ABCD3: variants seen among roughly 807,000 people sequenced by gnomAD.
ABCD3 encodes ATP-binding cassette sub-family D member 3.
ABCD3 carries 41 observed loss-of-function variants against 105.5 expected under a neutral mutation model. The ratio of observed to expected loss-of-function variants is 0.39; its 90% CI spans 0.30 to 0.50. ABCD3 has a LOEUF of 0.50. ABCD3 is among the 20% of genes least tolerant of loss of function. The pLI is 0.84. For synonymous variants in ABCD3, 258 were observed against 269.0 expected, an observed-to-expected ratio of 0.96 and a Z score of 0.40; for missense variants, 622 against 806.3, an observed-to-expected ratio of 0.77 and a Z score of 2.77.
chr1:94,410,476 G>A, the ABCD3 span, among the ~76,000 whole-genome samples: 1 of 152,084 alleles, frequency 6.6e-6, no homozygotes, highest in African/African-American at 2.4e-5. Context: ...AGAGAGAAAG[G>A]CCTGTGCTTC....
At chr1:94,516,904 A>T (rs776469998) in intron 22 of ABCD3, 148 bp from the exon 23 acceptor site, 19 of 682,904 alleles carry the variant, frequency 2.8e-5, no homozygotes, top group Non-Finnish European at 5.1e-5. Flanking sequence ...ATCCTTGGTC[A>T]TGGAGTTACG....
intron 1 of ABCD3, among the ~76,000 whole-genome samples, chr1:94,451,110 G>A (rs1021007145): frequency 2.6e-5 from 4 of 152,002 alleles, no homozygotes; most frequent in African/African-American, 9.7e-5. Context: ...TTTTTGGTAG[G>A]TATCTTCTTG....
chr1:94,416,386 T>C (rs1659006860), upstream of ABCD3, among the ~76,000 whole-genome samples: 1 of 152,236 alleles, frequency 6.6e-6, no homozygotes, highest in Non-Finnish European at 1.5e-5. Context: ...ATATCTCTAA[T>C]ATAGTACTTA....
At chr1:94,481,350 CCTTT>C (rs1649019272) in intron 9 of ABCD3, 1 of 152,142 alleles carries the variant, frequency 6.6e-6, no homozygotes, top group Non-Finnish European at 1.5e-5. Context: ...GTTCCCTCTT[CCTTT>C]ATTTCCTTGG....
At chr1:94,387,713 T>C in the ABCD3 span, among the ~76,000 whole-genome samples, 1 of 152,192 alleles carries the variant, frequency 6.6e-6, no homozygotes, top group Admixed American at 6.5e-5. Context: ...TGAAAGTTGT[T>C]AAGTAAACAT....
intron 9 of ABCD3, chr1:94,482,128 T>C (rs932361588): frequency 2.0e-5 from 3 of 152,324 alleles, no homozygotes; most frequent in Non-Finnish European, 4.4e-5. Context: ...AAGGAAGTTT[T>C]TTTAAAAAGT....
chr1:94,427,224 G>T (rs995734364), intron 1 of ABCD3, among the ~76,000 whole-genome samples: 2 of 152,116 alleles, frequency 1.3e-5, no homozygotes, highest in African/African-American at 4.8e-5. Context: ...GTGGGGAAGG[G>T]TCTTTCTTTC....
intron 4 of ABCD3, among the ~76,000 whole-genome samples, chr1:94,473,412 T>C (rs111319989): frequency 2.4e-4 from 37 of 152,274 alleles, no homozygotes; most frequent in African/African-American, 8.9e-4. Context: ...TGGTACTTTG[T>C]TTATTCATAA....
intron 1 of ABCD3, among the ~76,000 whole-genome samples, chr1:94,447,064 C>G (rs1345849681): frequency 6.6e-6 from 1 of 151,992 alleles, no homozygotes; most frequent in Non-Finnish European, 1.5e-5. Flanking sequence ...AAAGTTCCTG[C>G]CAAGGTTTAG....
chr1:94,473,406 A>T (rs113130328), intron 4 of ABCD3, among the ~76,000 whole-genome samples: 6 of 152,292 alleles, frequency 3.9e-5, no homozygotes, highest in Non-Finnish European at 4.4e-5. Flanking sequence ...AACAAATGGT[A>T]CTTTGTTTAT....
the ABCD3 span, among the ~76,000 whole-genome samples, chr1:94,388,972 G>A: frequency 6.6e-6 from 1 of 152,002 alleles, no homozygotes; most frequent in Non-Finnish European, 1.5e-5. Context: ...AGAGAGAAAA[G>A]CATTTCTCCA....
intron 4 of ABCD3, among the ~76,000 whole-genome samples, chr1:94,468,251 A>G (rs1648258875): frequency 6.6e-6 from 1 of 152,210 alleles, no homozygotes; most frequent in African/African-American, 2.4e-5. Flanking sequence ...TGCTGAGCTG[A>G]CAGTTTATCA....
chr1:94,422,027 A>T (rs907972024), intron 1 of ABCD3, among the ~76,000 whole-genome samples: 3 of 152,184 alleles, frequency 2.0e-5, no homozygotes, highest in African/African-American at 7.2e-5. Context: ...TCATCCAACC[A>T]TAAGTGCTGG....
chr1:94,451,308 G>C (rs1444281468), intron 1 of ABCD3, among the ~76,000 whole-genome samples: 1 of 152,112 alleles, frequency 6.6e-6, no homozygotes, highest in Non-Finnish European at 1.5e-5. Flanking sequence ...TTTCCTTAGT[G>C]CTTGATAATT....
intron 1 of ABCD3, among the ~76,000 whole-genome samples, chr1:94,438,344 A>ACACACACACACACAC (rs1659995437): frequency 1.4e-5 from 2 of 146,110 alleles, no homozygotes; most frequent in Non-Finnish European, 3.0e-5. Flanking sequence ...ACACACACAC[A>ACACACACACACACAC]AACTTGAAAG....
chr1:94,439,239 T>G (rs1660044536), intron 1 of ABCD3, among the ~76,000 whole-genome samples: 1 of 152,196 alleles, frequency 6.6e-6, no homozygotes, highest in African/African-American at 2.4e-5. Context: ...TACTCTATTG[T>G]TTTCTGACAC....
chr1:94,413,028 G>A, the ABCD3 span, among the ~76,000 whole-genome samples: 1 of 151,812 alleles, frequency 6.6e-6, no homozygotes, highest in Admixed American at 6.6e-5. Flanking sequence ...TTTCTACCCT[G>A]TTTACAGGTT....
At chr1:94,511,884 T>G (rs1199760651) in intron 21 of ABCD3, among the ~76,000 whole-genome samples, 1 of 152,138 alleles carries the variant, frequency 6.6e-6, no homozygotes, top group Non-Finnish European at 1.5e-5. Flanking sequence ...ATTCTAGTTA[T>G]ACATTCTTCT....
intron 2 of ABCD3, among the ~76,000 whole-genome samples, chr1:94,463,521 ATTTG>A (rs779721735): frequency 2.2e-4 from 33 of 152,282 alleles, no homozygotes; most frequent in Non-Finnish European, 3.8e-4. Context: ...ACAAACAGGT[ATTTG>A]TTTGTCAGGA....
Sources: gnomAD v4.1 joint callset for allele counts (sites outside exome capture counted in the v4.1 genomes callset) on GRCh38, gnomAD v4.1.1 for gene constraint, MANE v1.5 for transcripts, NCBI Gene and HGNC (gene_info 2026-07-23, HGNC 2026-07-21) for gene names.